ARHGAP5: variants seen among roughly 807,000 people sequenced by gnomAD.
The protein encoded by ARHGAP5 is Rho GTPase activating protein 5, also known as rho GTPase-activating protein 5.
A neutral mutation model predicts 116.6 loss-of-function variants in ARHGAP5; 23 were observed. That is an observed-to-expected ratio of 0.20 (90% CI 0.14 to 0.28). The LOEUF (loss-of-function observed/expected upper bound fraction) is 0.28, where lower values mean the gene tolerates loss of function less well. ARHGAP5 is among the 10% of genes least tolerant of loss of function. The pLI, the probability that ARHGAP5 is intolerant of heterozygous loss-of-function variation, is 1.00. For synonymous variants in ARHGAP5, 574 were observed against 602.0 expected (o/e 0.95, Z 0.68); for missense variants, 1,405 against 1,774.8 (o/e 0.79, Z 3.74).
In ARHGAP5 at chr14:32,091,535, C is replaced by T; in HGVS notation, c.866C>T (p.Thr289Ile). 3 of 1,612,698 alleles carry T rather than the reference C, an allele frequency of 1.9e-6. No individual in the cohort carries two copies. Among genetic ancestry groups the T allele is most frequent in the Non-Finnish European group, 2.5e-6 (3 of 1,179,402 alleles). ...LVQTVRDYHA[T>I]WKTVSNKLKN... ...CAGACTGTGAGAGATTATCATGCAA[C>T]TTGGAAAACTGTTAGTAATAAATTA... The change falls in exon 2 of 7, where the codon ACT (threonine) becomes ATT (isoleucine). Residue 289 changes from threonine to isoleucine, a missense_variant. Transcript: ENST00000345122.
At chr14:32,126,640 T>C (rs1273204989) in intron 3 of ARHGAP5, among the ~76,000 whole-genome samples, 1 of 152,226 alleles carries the variant, frequency 6.6e-6, no homozygotes, top group Non-Finnish European at 1.5e-5. Flanking sequence ...TCATAATACC[T>C]TTCATTCCTA....
chr14:32,090,747 C>T lies in ARHGAP5; in HGVS notation c.78C>T (p.Asp26=), dbSNP rs1878200635. ...SIVGLSGTEK[D]KGNCGVGKSC... ...TTGGACTCTCTGGGACTGAAAAAGA[C>T]AAAGGTAACTGTGGAGTTGGAAAGT... The change falls in exon 2 of 7, where the codon GAC becomes GAT. Residue 26 remains aspartate (D), a synonymous_variant. Transcript: ENST00000345122. 6.2e-7 allele frequency: 1 copy of T among 1,613,528 alleles called. No homozygotes were observed. The highest frequency in any genetic ancestry group is 2.2e-5 in the East Asian group (1 of 44,862).
chr14:32,110,138 G>C (rs919057415), intron 2 of ARHGAP5, among the ~76,000 whole-genome samples: 3 of 151,706 alleles, frequency 2.0e-5, no homozygotes, highest in African/African-American at 7.3e-5. Flanking sequence ...CCAGATGTTT[G>C]AGGTATGTTG....
intron 2 of ARHGAP5, among the ~76,000 whole-genome samples, chr14:32,114,671 G>A (rs1053549553): frequency 5.3e-5 from 8 of 152,134 alleles, no homozygotes; most frequent in African/African-American, 1.9e-4. Context: ...TGGTATAAGA[G>A]GATTTAGAAG....
chr14:32,128,446 A>C (rs1419897974), intron 3 of ARHGAP5, among the ~76,000 whole-genome samples: 1 of 152,250 alleles, frequency 6.6e-6, no homozygotes, highest in Non-Finnish European at 1.5e-5. Flanking sequence ...CCGCCTTGTC[A>C]CCATGAGACC....
At chr14:32,143,941 C>T (rs1414007854) in intron 3 of ARHGAP5, among the ~76,000 whole-genome samples, 1 of 152,170 alleles carries the variant, frequency 6.6e-6, no homozygotes, top group Non-Finnish European at 1.5e-5. Context: ...GTTAGATAGC[C>T]TTCCTACAAT....
At chr14:32,096,422 A>G (rs1878531054) in intron 2 of ARHGAP5, among the ~76,000 whole-genome samples, 1 of 152,200 alleles carries the variant, frequency 6.6e-6, no homozygotes, top group Non-Finnish European at 1.5e-5. Context: ...GAAAAGACTA[A>G]AAAATAGAAT....
In ARHGAP5 at chr14:32,091,499, A is replaced by T. The variant is rs762155414; in HGVS notation, c.830A>T (p.Glu277Val). 6.2e-7 allele frequency: 1 copy of T among 1,613,256 alleles called. No homozygotes were observed. The highest frequency in any genetic ancestry group is 1.7e-5 in the Admixed American group (1 of 59,934). The change falls in exon 2 of 7, where the codon GAA becomes GTA. Residue 277 changes from glutamate (E) to valine (V), a missense_variant. This residue lies in a region of ARHGAP5 where 944 missense variants were observed against 1,095.3 expected (regional missense o/e 0.86). Coordinates refer to ENST00000345122, the MANE Select transcript of ARHGAP5 (RefSeq NM_001030055.2). ...GTTGTCACAGCAACAGATAAGTTTG[A>T]AAAACTTGTGCAGACTGTGAGAGAT... is the stretch of plus-strand genomic sequence containing the variant. ...QLVVTATDKF[E>V]KLVQTVRDYH...
intron 3 of ARHGAP5, among the ~76,000 whole-genome samples, chr14:32,144,950 ATTTATC>A (rs1416720303): frequency 2.0e-5 from 3 of 152,172 alleles, no homozygotes; most frequent in Non-Finnish European, 2.9e-5. Context: ...GTTAAATGTC[ATTTATC>A]ATTCAAGTTG....
rs1163652594 is a variant in ARHGAP5 at position 32,090,510 on chromosome 14, T to C, written c.-160T>C. The C allele has an allele frequency of 9.9e-6, 6 of 603,942 alleles. No homozygotes were observed. In the South Asian group the frequency reaches 1.3e-4, roughly 13 times the overall value. The allele number at this position is 603,942 out of a possible 1,614,324, so 37.4% of individuals were successfully genotyped here. A position where few individuals can be genotyped will look rare whatever the true frequency, so the allele number is the denominator to read the frequency against. ...TTCTCCCCTCTCTATAGGAAGATGA[T>C]CCCTATGATCTTGAAGATGTTTCTG... On this transcript the variant is annotated 5_prime_UTR_variant, in exon 2 of 7. Transcript: ENST00000345122.
intron 3 of ARHGAP5, among the ~76,000 whole-genome samples, chr14:32,140,678 A>G (rs1221706860): frequency 3.3e-5 from 5 of 152,308 alleles, no homozygotes; most frequent in Middle Eastern, 3.4e-3. Flanking sequence ...CCTTGTGATC[A>G]GAGAACATAC....
rs576990521 is a variant in ARHGAP5 at position 32,153,176 on chromosome 14, G to C, written c.4181+648G>C. Among the ~76,000 whole-genome samples the C allele has an allele frequency of 1.4e-4, 21 of 149,488 alleles. 2 individuals carry two copies. Among genetic ancestry groups the C allele is most frequent in the Admixed American group, 1.3e-3 (19 of 15,080 alleles). On this transcript the variant is annotated intron_variant, in intron 6 of 6. Transcript: ENST00000345122. ...TTTACTAGCAATGTGGTATAAAATT[G>C]TATTAACATTTCTTATAACCTTTCC...
At chr14:32,083,127 A>G (rs2041795030) in intron 1 of ARHGAP5, among the ~76,000 whole-genome samples, 1 of 152,264 alleles carries the variant, frequency 6.6e-6, no homozygotes, top group Admixed American at 6.5e-5. Flanking sequence ...CTATTTTTTA[A>G]GGTTCACTCA....
At chr14:32,096,305 G>A (rs1309308465) in intron 2 of ARHGAP5, among the ~76,000 whole-genome samples, 1 of 152,102 alleles carries the variant, frequency 6.6e-6, no homozygotes, top group Admixed American at 6.5e-5. Flanking sequence ...TACAGTATTA[G>A]TATAATTTTG....
chr14:32,122,282 C>A (rs1254414177), intron 3 of ARHGAP5, among the ~76,000 whole-genome samples: 1 of 152,146 alleles, frequency 6.6e-6, no homozygotes, highest in Non-Finnish European at 1.5e-5. Context: ...TGCCGAACAT[C>A]TTTTTAAGTG....
intron 2 of ARHGAP5, among the ~76,000 whole-genome samples, chr14:32,108,600 A>T (rs1879131108): frequency 6.6e-6 from 1 of 151,952 alleles, no homozygotes; most frequent in Non-Finnish European, 1.5e-5. Context: ...AGGAAGGGAG[A>T]GGAAGGTAGG....
intron 2 of ARHGAP5, among the ~76,000 whole-genome samples, chr14:32,116,525 G>A (rs894720383): frequency 5.3e-5 from 8 of 152,074 alleles, no homozygotes; most frequent in African/African-American, 1.4e-4. Flanking sequence ...CCCGGGAGGC[G>A]GAGCTTGCAG....
intron 3 of ARHGAP5, among the ~76,000 whole-genome samples, chr14:32,143,202 A>AGTTGTTGTTGTTGTTGTTGTTGTT (rs140378018): frequency 1.4e-5 from 2 of 145,440 alleles, no homozygotes; most frequent in Admixed American, 6.9e-5. Context: ...ACATTATTTT[A>AGTTGTTGTTGTTGTTGTTGTTGTT]GTTGTTGTTG....
intron 1 of ARHGAP5, among the ~76,000 whole-genome samples, chr14:32,084,776 T>G (rs2041812390): frequency 6.6e-6 from 1 of 152,198 alleles, no homozygotes; most frequent in Non-Finnish European, 1.5e-5. Flanking sequence ...TGGTATAAAC[T>G]GTGGTTCAAA....
Sources: gnomAD v4.1 joint callset for allele counts (sites outside exome capture counted in the v4.1 genomes callset) on GRCh38, gnomAD v4.1.1 for gene constraint, gnomAD v4.1.1 regional missense constraint, MANE v1.5 for transcripts, NCBI Gene and HGNC (gene_info 2026-07-23, HGNC 2026-07-21) for gene names.